The following KL variants were observed in gnomAD, a reference collection of about 807,000 sequenced individuals.
The protein encoded by KL is alpha-klotho.
KL carries 62 observed loss-of-function variants against 84.2 expected under a neutral mutation model. The observed-to-expected ratio is 0.74, with a 90% CI of 0.60 to 0.91. KL has a LOEUF of 0.91. Ranked by LOEUF, KL falls within the 40% of genes least tolerant of loss-of-function variation. The pLI, the probability that KL is intolerant of heterozygous loss-of-function variation, is 0.00. For missense variants in KL, 1,261 were observed against 1,305.7 expected (o/e 0.97, Z 0.53); for synonymous variants, 528 against 528.0 (o/e 1.00, Z 0.00).
intron 3 of KL, among the ~76,000 whole-genome samples, chr13:33,059,192 T>A (rs1872079812): frequency 6.6e-6 from 1 of 152,186 alleles, no homozygotes; most frequent in Non-Finnish European, 1.5e-5. Context: ...AGGGTGCAGA[T>A]CTTCCAGCTG....
At chr13:33,036,642 A>G (rs1871155609) in intron 1 of KL, among the ~76,000 whole-genome samples, 1 of 152,176 alleles carries the variant, frequency 6.6e-6, no homozygotes, top group Non-Finnish European at 1.5e-5. Flanking sequence ...AGAAAACAGT[A>G]TTCTTTTATT....
rs1465910647 is a variant in KL, at chr13:33,060,879, C to A, written c.1800C>A (p.Ala600=). ...ATTTTCGCTTCTCCCTGGACTGGGC[C>A]CTGATTCTCCCTCTGGGTAACCAGT... ...VTHFRFSLDW[A]LILPLGNQSQ... The change falls in exon 4 of 5, where the codon GCC becomes GCA. Residue 600 remains alanine (A), a synonymous_variant. Coordinates refer to ENST00000380099, the MANE Select transcript of KL (RefSeq NM_004795.4). 1 of 1,614,180 alleles carries A rather than the reference C, an allele frequency of 6.2e-7. No homozygotes were observed. Among genetic ancestry groups the A allele is most frequent in the South Asian group, 1.1e-5 (1 of 91,088 alleles).
chr13:33,061,374 C>A lies in KL; in HGVS notation c.2295C>A (p.Phe765Leu), dbSNP rs775448758. 1.2e-6 allele frequency: 2 copies of A among 1,614,042 alleles called. No homozygotes were observed. The highest frequency in any genetic ancestry group is 1.3e-5 in the African/African-American group (1 of 74,902). ...TTGGCTGGCTGGCTGAGCCCATTTT[C>A]GGCTCTGGAGATTATCCATGGGTGA... ...FDIGWLAEPIFGSGDYPWVMR... is the reference protein window; with the variant it reads ...FDIGWLAEPILGSGDYPWVMR... Residue 765 changes from phenylalanine to leucine, a missense_variant, in exon 4 of 5, where the codon TTC (phenylalanine) becomes TTA (leucine). Physicochemically the swap from Phe to Leu is conservative, Grantham distance 22 (BLOSUM62 0). Transcript: ENST00000380099.
chr13:33,038,502 G>GT (rs1008242746), intron 1 of KL, among the ~76,000 whole-genome samples: 6 of 152,160 alleles, frequency 3.9e-5, no homozygotes, highest in African/African-American at 7.2e-5. Context: ...GGATCTTACA[G>GT]TTTTTTTGGG....
Position 33,060,817 on chromosome 13 carries a change from C to T in KL, c.1738C>T (p.Pro580Ser), listed in dbSNP as rs758090483. 1 of 1,614,196 alleles carries T rather than the reference C, an allele frequency of 6.2e-7. No individual in the cohort carries two copies. Among genetic ancestry groups the T allele is most frequent in the Non-Finnish European group, 8.5e-7 (1 of 1,180,038 alleles). The change falls in exon 4 of 5, where the codon CCC becomes TCC. Residue 580 changes from proline to serine, a missense_variant. Transcript: ENST00000380099. Reference protein sequence around the residue: ...SYCVDFAAIQPQIALLQEMHV... With the variant: ...SYCVDFAAIQSQIALLQEMHV... ...CTGTGTTGACTTTGCTGCCATCCAG[C>T]CCCAGATCGCTTTACTCCAGGAAAT...
intron 1 of KL, among the ~76,000 whole-genome samples, chr13:33,027,631 T>G (rs575767728): frequency 6.6e-6 from 1 of 152,310 alleles, no homozygotes; most frequent in Non-Finnish European, 1.5e-5. Flanking sequence ...CAATTCCATC[T>G]CCTTGTAGGC....
Position 33,061,679 on chromosome 13 carries a change from C to G in KL, c.2600C>G (p.Pro867Arg). The part of the protein sequence containing the change: ...NWLKFKYGDL[P>R]MYIISNGIDD... ...CTGAAGTTCAAGTACGGAGACCTCCCCATGTACATAATATCCAATGGAATC... is the reference window on the plus strand; with the variant it reads ...CTGAAGTTCAAGTACGGAGACCTCCGCATGTACATAATATCCAATGGAATC... The change falls in exon 4 of 5, where the codon CCC becomes CGC. Residue 867 changes from proline to arginine, a missense_variant. Transcript: ENST00000380099. 6.2e-7 allele frequency: 1 copy of G among 1,614,074 alleles called. No homozygotes were observed. Among genetic ancestry groups the G allele is most frequent in the Non-Finnish European group, 8.5e-7 (1 of 1,179,982 alleles).
chr13:33,017,822 A>G (rs1593785729), intron 1 of KL, among the ~76,000 whole-genome samples: 1 of 152,180 alleles, frequency 6.6e-6, no homozygotes, highest in South Asian at 2.1e-4. Context: ...AACTGCATCC[A>G]CCAATCTTAT....
In KL at chr13:33,054,220, A is replaced by G. The variant is rs781376593; in HGVS notation, c.1273A>G (p.Arg425Gly). 5 of 1,613,798 alleles carry G rather than the reference A, an allele frequency of 3.1e-6. No homozygotes were observed. In the Admixed American group the frequency reaches 8.3e-5, roughly 27 times the overall value. Residue 425 changes from arginine to glycine, a missense_variant, in exon 2 of 5, where the codon AGA (arginine) becomes GGA (glycine). Arg to Gly is a moderately radical substitution (Grantham distance 125). Coordinates refer to ENST00000380099, the MANE Select transcript of KL (RefSeq NM_004795.4). ...NGWFVSGTTK[R>G]DDAKYMYYLK... is the part of the protein sequence containing the mutation. Reference sequence around the variant, plus strand: ...CTGGTTTGTCTCAGGGACCACCAAGAGAGATGATGCCAAATATATGTATTA... The same window carrying G: ...CTGGTTTGTCTCAGGGACCACCAAGGGAGATGATGCCAAATATATGTATTA...
chr13:33,033,742 G>A (rs918122840), intron 1 of KL, among the ~76,000 whole-genome samples: 3 of 151,948 alleles, frequency 2.0e-5, no homozygotes, highest in Non-Finnish European at 4.4e-5. Context: ...TTTACGAGCA[G>A]CGGAGAAGAC....
chr13:33,038,437 C>T (rs1248634684), intron 1 of KL, among the ~76,000 whole-genome samples: 2 of 152,170 alleles, frequency 1.3e-5, no homozygotes, highest in African/African-American at 4.8e-5. Context: ...AACCCATCTG[C>T]CCCAGAGGTG....
chr13:33,054,675 T>C (rs1871885135), intron 2 of KL, among the ~76,000 whole-genome samples: 1 of 152,242 alleles, frequency 6.6e-6, no homozygotes, highest in African/African-American at 2.4e-5. Context: ...GAAAATAGTA[T>C]AAATAGATCA....
intron 3 of KL, among the ~76,000 whole-genome samples, chr13:33,058,060 A>C (rs1014940914): frequency 7.2e-5 from 11 of 152,166 alleles, no homozygotes; most frequent in African/African-American, 2.4e-4. Flanking sequence ...TTGTCACTTT[A>C]CTTGGACCCA....
At chr13:33,038,381 A>G (rs1871217737) in intron 1 of KL, among the ~76,000 whole-genome samples, 1 of 152,208 alleles carries the variant, frequency 6.6e-6, no homozygotes, top group African/African-American at 2.4e-5. Flanking sequence ...CCTAAGCACC[A>G]GCCAGAGTCC....
At chr13:33,058,376 T>C (rs1300802118) in intron 3 of KL, among the ~76,000 whole-genome samples, 1 of 151,674 alleles carries the variant, frequency 6.6e-6, no homozygotes, top group Non-Finnish European at 1.5e-5. Flanking sequence ...AGTCTTGCTC[T>C]GTCGCCCAGG....
At chr13:33,056,679 A>G (rs1023471684) in intron 3 of KL, among the ~76,000 whole-genome samples, 3 of 150,648 alleles carry the variant, frequency 2.0e-5, no homozygotes, top group African/African-American at 4.9e-5. Context: ...GGTGGCGGGC[A>G]CCTGTAGTCC....
At chr13:33,017,387 CG>C (rs1870408388) in intron 1 of KL, 128 bp downstream of exon 1, 1 of 889,098 alleles carries the variant, frequency 1.1e-6, no homozygotes, top group Non-Finnish European at 1.7e-6. Flanking sequence ...ATGTGGTCAC[CG>C]GGGGAAACTG....
At chr13:33,020,168 A>G (rs1475931392) in intron 1 of KL, among the ~76,000 whole-genome samples, 1 of 152,134 alleles carries the variant, frequency 6.6e-6, no homozygotes, top group Non-Finnish European at 1.5e-5. Context: ...GGGCTAGGAG[A>G]TATTAATCTG....
At chr13:33,020,971 G>T (rs1397341326) in intron 1 of KL, among the ~76,000 whole-genome samples, 1 of 151,924 alleles carries the variant, frequency 6.6e-6, no homozygotes, top group Non-Finnish European at 1.5e-5. Flanking sequence ...TCCTTCTATG[G>T]CATCCTGCAC....
Sources: allele counts gnomAD v4.1 joint callset (sites outside exome capture counted in the v4.1 genomes callset), GRCh38; gene constraint gnomAD v4.1.1; transcripts MANE v1.5; gene names NCBI Gene and HGNC (gene_info 2026-07-23, HGNC 2026-07-21).